The following POF1B variants were observed in gnomAD, a reference collection of about 807,000 sequenced individuals.
POF1B encodes the protein protein POF1B.
Under a neutral mutation model 55.3 loss-of-function variants are expected in POF1B, and 53 were observed. The ratio of observed to expected loss-of-function variants is 0.96; its 90% CI spans 0.77 to 1.20. The LOEUF is 1.20. POF1B is among the 50% of genes most tolerant of loss of function. The pLI is 0.00. For synonymous variants in POF1B, 188 were observed against 148.3 expected, an observed-to-expected ratio of 1.27 and a Z score of -1.95; for missense variants, 478 against 420.5, an observed-to-expected ratio of 1.14 and a Z score of -1.20.
intron 9 of POF1B, among the ~76,000 whole-genome samples, chrX:85,311,745 A>T (rs1932704489): frequency 8.9e-6 from 1 of 111,864 alleles, no homozygotes; most frequent in South Asian, 3.7e-4. Flanking sequence ...CTAGTTCTAG[A>T]TCCTTGAGGA....
intron 6 of POF1B, among the ~76,000 whole-genome samples, chrX:85,340,973 C>T (rs988498575): frequency 9.0e-6 from 1 of 110,938 alleles, no homozygotes; most frequent in African/African-American, 3.3e-5. Context: ...TTTGGTTCAG[C>T]AGTAAATGAT....
rs770123454 is a variant in POF1B at position 85,290,298 on chromosome X, A to G, written c.1650-7981T>C. On this transcript the variant is annotated intron_variant, in intron 15 of 16. Transcript: ENST00000262753. ...CTTCAAAAGACATGATTTTTTTTTTATGGCTGCACAGTATTACATGGTGTA... is the reference window on the plus strand; with the variant it reads ...CTTCAAAAGACATGATTTTTTTTTTGTGGCTGCACAGTATTACATGGTGTA... Among the ~76,000 whole-genome samples, 13 of 110,141 alleles carry G rather than the reference A, an allele frequency of 1.2e-4. No individual in the cohort carries two copies. The East Asian group carries it at 2.9e-3, about 25-fold the overall frequency.
intron 2 of POF1B, among the ~76,000 whole-genome samples, chrX:85,375,053 G>T (rs1933897935): frequency 9.0e-6 from 1 of 111,103 alleles, no homozygotes; most frequent in Admixed American, 9.6e-5. Flanking sequence ...TCCATATTGG[G>T]TTCTTTCTCT....
At position 85,307,272 on chromosome X, in the gene POF1B, A is replaced by G. The variant is rs765178545; in HGVS notation, c.1055T>C (p.Leu352Pro). The G allele has an allele frequency of 3.5e-6, 4 of 1,146,283 alleles. No individual in the cohort carries two copies. The Admixed American group carries it at 9.4e-5, about 27-fold the overall frequency. The allele number at this position is 1,146,283 out of a possible 1,213,427, so 94.5% of individuals were successfully genotyped here. ...CTCAAGTCTCATCTTGTCATTTTCC[A>G]GTGACTAGAAGCATAAATTATTTAT... Reference protein sequence around the residue: ...LGHLQNDMTSLENDKMRLEKD... With the variant: ...LGHLQNDMTSPENDKMRLEKD... Residue 352 changes from leucine (L) to proline (P), a missense_variant, in exon 11 of 17, where the codon CTG becomes CCG. By Grantham distance (98) the Leu-to-Pro change is moderately conservative (BLOSUM62 -3). Transcript: ENST00000262753.
chrX:85,335,204 T>G (rs965776155), intron 6 of POF1B, among the ~76,000 whole-genome samples: 1 of 111,638 alleles, frequency 9.0e-6, no homozygotes, highest in Non-Finnish European at 1.9e-5. Flanking sequence ...ACTAAACTCC[T>G]AAAAGGTCAT....
In POF1B at chrX:85,279,375, CAAAA is replaced by C. The variant is rs747104592; in HGVS notation, c.*42_*45del. ...AAGTACTAATGCAGAGACACACACACAAAAAAAAAACGGCTTTGAGTTGTAATAC... is the reference window on the plus strand; with the variant it reads ...AAGTACTAATGCAGAGACACACACACAAAAAACGGCTTTGAGTTGTAATAC... On this transcript the variant is annotated 3_prime_UTR_variant, in exon 17 of 17. Coordinates refer to ENST00000262753, the MANE Select transcript of POF1B (RefSeq NM_024921.4). 1.6e-5 allele frequency: 17 copies of C among 1,053,015 alleles called. No individual in the cohort carries two copies. The highest frequency in any genetic ancestry group is 2.2e-5 in the Non-Finnish European group (17 of 771,410). 86.8% of individuals were successfully genotyped at this position (1,053,015 alleles called of 1,213,427 possible). A position where few individuals can be genotyped will look rare whatever the true frequency, so the allele number is the denominator to read the frequency against.
At chrX:85,309,616 T>C (rs1603035893) in intron 9 of POF1B, among the ~76,000 whole-genome samples, 1 of 111,233 alleles carries the variant, frequency 9.0e-6, no homozygotes, top group South Asian at 3.8e-4. Context: ...ACAAAAGTCC[T>C]GAGAAAAGCC....
chrX:85,300,445 A>G (rs943882784), intron 15 of POF1B, among the ~76,000 whole-genome samples: 2 of 112,279 alleles, frequency 1.8e-5, no homozygotes, highest in Non-Finnish European at 3.8e-5. Flanking sequence ...ACTGACCACT[A>G]AGATAAATGA....
At chrX:85,355,892 A>T (rs768929029) in intron 4 of POF1B, among the ~76,000 whole-genome samples, 2 of 111,646 alleles carry the variant, frequency 1.8e-5, no homozygotes, top group African/African-American at 6.5e-5. Flanking sequence ...ATTGTGGAAG[A>T]CAGTGTGGTG....
intron 16 of POF1B, 64 bp downstream of exon 16, chrX:85,282,139 C>T: frequency 9.6e-7 from 1 of 1,036,770 alleles, no homozygotes. Context: ...GATATTTTAC[C>T]TCAATTTTAA....
In POF1B at chrX:85,331,018, G is replaced by A. The variant is rs1266982556; in HGVS notation, c.785C>T (p.Ala262Val). The A allele has an allele frequency of 1.7e-6, 2 of 1,203,952 alleles. No individual in the cohort carries two copies. The highest frequency in any genetic ancestry group is 3.5e-5 in the African/African-American group (2 of 56,943). Residue 262 changes from alanine (A) to valine (V), a missense_variant, in exon 7 of 17, where the codon GCT (alanine) becomes GTT (valine). Coordinates refer to ENST00000262753, the MANE Select transcript of POF1B (RefSeq NM_024921.4). ...LDPRYFGELL[A>V]DLSRKNTDLY... ...ATCCGTATTCTTACGGCTCAGATCA[G>A]CAAGCAACTCTCCAAAATATCTGGG...
chrX:85,350,128 A>C (rs899529433), intron 5 of POF1B, among the ~76,000 whole-genome samples: 16 of 110,045 alleles, frequency 1.5e-4, no homozygotes, highest in South Asian at 3.9e-4. Context: ...GGTGTGCTGC[A>C]CCCACTAACT....
At chrX:85,347,247 T>C (rs1349321992) in intron 5 of POF1B, among the ~76,000 whole-genome samples, 5 of 111,302 alleles carry the variant, frequency 4.5e-5, no homozygotes, top group Non-Finnish European at 7.6e-5. Flanking sequence ...GCACATACAA[T>C]TAATTTTGAA....
intron 7 of POF1B, among the ~76,000 whole-genome samples, chrX:85,318,316 T>A (rs1932805534): frequency 8.9e-6 from 1 of 111,862 alleles, no homozygotes; most frequent in East Asian, 2.8e-4. Context: ...TAGATTGTCT[T>A]TTAAGTCTGT....
At position 85,342,339 on chromosome X, in the gene POF1B, G is replaced by C. The variant is rs986741299; in HGVS notation, c.723+3521C>G. ...GGGAAAGTACTTTAAAGGTGATCTA[G>C]TTTCATCTAAAAATAGTCTTACAAT... On this transcript the variant is annotated intron_variant, in intron 6 of 16. Coordinates refer to ENST00000262753, the MANE Select transcript of POF1B (RefSeq NM_024921.4). Among the ~76,000 whole-genome samples the C allele has an allele frequency of 1.9e-4, 21 of 111,509 alleles. No individual in the cohort carries two copies. In the East Asian group the frequency reaches 2.0e-3, roughly 11 times the overall value.
chrX:85,337,086 G>C (rs997838145), intron 6 of POF1B, among the ~76,000 whole-genome samples: 3 of 111,855 alleles, frequency 2.7e-5, no homozygotes, highest in Non-Finnish European at 5.7e-5. Context: ...TAGCACCTTG[G>C]TTGAAAATGA....
chrX:85,308,446 T>C (rs1932625759), intron 9 of POF1B, among the ~76,000 whole-genome samples: 1 of 111,393 alleles, frequency 9.0e-6, no homozygotes, highest in African/African-American at 3.3e-5. Flanking sequence ...ATTTTTTCCA[T>C]GATAAAGTAT....
chrX:85,309,569 G>A (rs1265230055), intron 9 of POF1B, among the ~76,000 whole-genome samples: 5 of 111,094 alleles, frequency 4.5e-5, no homozygotes, highest in African/African-American at 1.6e-4. Flanking sequence ...TTAGATCAGT[G>A]TTGGGCAAGC....
At chrX:85,324,113 C>T (rs1279260162) in intron 7 of POF1B, among the ~76,000 whole-genome samples, 1 of 111,649 alleles carries the variant, frequency 9.0e-6, no homozygotes, top group Admixed American at 9.5e-5. Context: ...TTTGTATTTG[C>T]TGATGATTGC....
Sources: gnomAD v4.1 joint callset for allele counts (sites outside exome capture counted in the v4.1 genomes callset) on GRCh38, gnomAD v4.1.1 for gene constraint, MANE v1.5 for transcripts, NCBI Gene and HGNC (gene_info 2026-07-23, HGNC 2026-07-21) for gene names.